The following TMTC1 variants were observed in gnomAD, a reference collection of about 807,000 sequenced individuals.
The protein encoded by TMTC1 is protein O-mannosyl-transferase TMTC1.
A neutral mutation model predicts 104.8 loss-of-function variants in TMTC1; 73 were observed. The observed-to-expected ratio is 0.70, with a 90% CI of 0.58 to 0.85. TMTC1 has a LOEUF of 0.85. Ranked by LOEUF, TMTC1 falls within the 40% of genes least tolerant of loss-of-function variation. The probability of loss-of-function intolerance (pLI) is 0.00; values close to 1 mark genes in which losing one functional copy is unlikely to be tolerated. For synonymous variants in TMTC1, 434 were observed against 428.7 expected (o/e 1.01, Z -0.15); for missense variants, 1,035 against 1,096.1 (o/e 0.94, Z 0.79).
chr12:29,698,065 T>G (rs1438697714), intron 5 of TMTC1, among the ~76,000 whole-genome samples: 1 of 152,192 alleles, frequency 6.6e-6, no homozygotes, highest in East Asian at 1.9e-4. Flanking sequence ...GAGGCTTTCC[T>G]CTGATCTTCC....
chr12:29,654,129 ACAT>A (rs199499087), intron 5 of TMTC1, among the ~76,000 whole-genome samples: 2,342 of 152,328 alleles, frequency 0.015, 35 homozygotes, highest in South Asian at 0.041. Context: ...GCTTCAAAGG[ACAT>A]CATCAAGTAA....
At chr12:29,539,358 C>T (rs1944730814) in intron 10 of TMTC1, among the ~76,000 whole-genome samples, 1 of 152,206 alleles carries the variant, frequency 6.6e-6, no homozygotes, top group South Asian at 2.1e-4. Flanking sequence ...TTACTCAGCA[C>T]TTACTCAGTT....
At chr12:29,574,653 G>A (rs1945771994) in intron 8 of TMTC1, among the ~76,000 whole-genome samples, 1 of 152,168 alleles carries the variant, frequency 6.6e-6, no homozygotes, top group South Asian at 2.1e-4. Context: ...GACCCATATG[G>A]CATTCCTCGG....
intron 5 of TMTC1, among the ~76,000 whole-genome samples, chr12:29,699,636 T>A (rs1310565101): frequency 6.7e-6 from 1 of 150,212 alleles, no homozygotes; most frequent in Non-Finnish European, 1.5e-5. Flanking sequence ...TACATCCAGT[T>A]CTTCATCTGG....
intron 5 of TMTC1, among the ~76,000 whole-genome samples, chr12:29,726,371 T>C (rs1413976231): frequency 6.7e-6 from 1 of 149,676 alleles, no homozygotes; most frequent in African/African-American, 2.4e-5. Flanking sequence ...TCGGGGACAT[T>C]TAAATACAAT....
intron 5 of TMTC1, among the ~76,000 whole-genome samples, chr12:29,735,543 G>A (rs1942649656): frequency 6.6e-6 from 1 of 152,138 alleles, no homozygotes; most frequent in South Asian, 2.1e-4. Context: ...TTATTTATTG[G>A]AATCCAGGAT....
At chr12:29,516,645 A>G (rs1943995079) in intron 14 of TMTC1, among the ~76,000 whole-genome samples, 159 bp from the exon 15 acceptor site, 1 of 152,134 alleles carries the variant, frequency 6.6e-6, no homozygotes, top group African/African-American at 2.4e-5. Flanking sequence ...TCAGGTTTTG[A>G]CTTTTTGCTG....
chr12:29,686,119 G>C (rs1047760264), intron 5 of TMTC1, among the ~76,000 whole-genome samples: 1 of 151,910 alleles, frequency 6.6e-6, no homozygotes. Context: ...ATACACATTC[G>C]GTCTTACTAG....
At chr12:29,563,521 G>GA (rs1477823584) in intron 9 of TMTC1, among the ~76,000 whole-genome samples, 8 of 152,238 alleles carry the variant, frequency 5.3e-5, no homozygotes, top group African/African-American at 1.7e-4. Flanking sequence ...CCCACTGCAG[G>GA]AACTGGGTAT....
At chr12:29,757,200 A>T (rs1943234880) in intron 3 of TMTC1, among the ~76,000 whole-genome samples, 1 of 152,210 alleles carries the variant, frequency 6.6e-6, no homozygotes, top group South Asian at 2.1e-4. Flanking sequence ...AAACAAAACA[A>T]AACTTCCTAA....
chr12:29,664,139 A>AGATTG, intron 5 of TMTC1, among the ~76,000 whole-genome samples: 1 of 150,836 alleles, frequency 6.6e-6, no homozygotes, highest in South Asian at 2.1e-4. Flanking sequence ...GTGAGCCGAG[A>AGATTG]TCCCGCCACT....
chr12:29,731,652 C>G (rs1008728593), intron 5 of TMTC1, among the ~76,000 whole-genome samples: 10 of 149,048 alleles, frequency 6.7e-5, no homozygotes, highest in African/African-American at 2.5e-4. Flanking sequence ...GCAAGTAGAT[C>G]AATATATAAA....
At chr12:29,756,712 G>A (rs910688188) in intron 3 of TMTC1, among the ~76,000 whole-genome samples, 7 of 152,120 alleles carry the variant, frequency 4.6e-5, no homozygotes, top group African/African-American at 1.4e-4. Context: ...CCTTCAACAG[G>A]TACCACACCT....
chr12:29,723,907 G>A (rs10843497), intron 5 of TMTC1, among the ~76,000 whole-genome samples: 17,100 of 152,132 alleles, frequency 0.11, 1,175 homozygotes, highest in African/African-American at 0.19. Context: ...GTAAAGAAGG[G>A]GGACTCAGGT....
At chr12:29,643,696 T>A (rs371699117) in intron 5 of TMTC1, among the ~76,000 whole-genome samples, 1 of 36,264 alleles carries the variant, frequency 2.8e-5, no homozygotes, top group Non-Finnish European at 4.7e-5. Context: ...ATATATTATA[T>A]ATATTATATA....
At chr12:29,695,655 C>T (rs920918308) in intron 5 of TMTC1, among the ~76,000 whole-genome samples, 1 of 151,848 alleles carries the variant, frequency 6.6e-6, no homozygotes, top group Non-Finnish European at 1.5e-5. Flanking sequence ...GGAGCCACTA[C>T]TTAATACATT....
chr12:29,547,406 A>C (rs1214063782), intron 10 of TMTC1, among the ~76,000 whole-genome samples: 1 of 152,220 alleles, frequency 6.6e-6, no homozygotes, highest in East Asian at 1.9e-4. Context: ...GAGTTGCAGT[A>C]GGGGAGAGGG....
chr12:29,611,232 G>A (rs1276378571), intron 6 of TMTC1, among the ~76,000 whole-genome samples: 2 of 145,844 alleles, frequency 1.4e-5, no homozygotes, highest in East Asian at 4.0e-4. Context: ...TTAATCAACA[G>A]TCTGATCCTT....
chr12:29,691,541 G>T (rs1189285011), intron 5 of TMTC1, among the ~76,000 whole-genome samples: 2 of 113,606 alleles, frequency 1.8e-5, no homozygotes, highest in Non-Finnish European at 3.8e-5. Flanking sequence ...TAGGCAGCAG[G>T]CAAGGTGAAA....
Sources: gnomAD v4.1 joint callset for allele counts (sites outside exome capture counted in the v4.1 genomes callset) on GRCh38, gnomAD v4.1.1 for gene constraint, MANE v1.5 for transcripts, NCBI Gene and HGNC (gene_info 2026-07-23, HGNC 2026-07-21) for gene names.